MAST1: variants seen among roughly 807,000 people sequenced by gnomAD.
MAST1 encodes the protein microtubule-associated serine/threonine-protein kinase 1.
MAST1 carries 40 observed loss-of-function variants against 124.6 expected under a neutral mutation model. The observed-to-expected ratio is 0.32, with a 90% CI of 0.25 to 0.42. MAST1 has a LOEUF of 0.42. Among genes scored for constraint, MAST1 ranks in the 10% least tolerant of loss-of-function variants. The pLI is 1.00. For synonymous variants in MAST1, 938 were observed against 939.4 expected (o/e 1.00, Z 0.03); for missense variants, 1,558 against 2,181.9 (o/e 0.71, Z 5.70).
Position 12,845,750 on chromosome 19 carries a change from G to A in MAST1, c.328-1540G>A, listed in dbSNP as rs1969886221. Among the ~76,000 whole-genome samples, 11 of 149,946 alleles carry A rather than the reference G, an allele frequency of 7.3e-5. No homozygotes were observed. In the South Asian group the frequency reaches 2.1e-3, roughly 29 times the overall value. The stretch of plus-strand genomic sequence containing the variant: ...CGGCTCACTGCAACCTCCATCTCCT[G>A]GGTTCAAGCAATTCTCCTGCCTCAG... On this transcript the variant is annotated intron_variant, in intron 4 of 25. Coordinates refer to ENST00000251472, the MANE Select transcript of MAST1 (RefSeq NM_014975.3).
Position 12,869,256 on chromosome 19 carries a change from G to C in MAST1, c.2964G>C (p.Met988Ile). ...CACTGCGTGCCATCCGTGTCTACAT[G>C]GGTGACACGGATGTCTATAGTGTCC... ...GFTLRAIRVY[M>I]GDTDVYSVHH... The change falls in exon 22 of 26, where the codon ATG becomes ATC. Residue 988 changes from methionine (M) to isoleucine (I), a missense_variant. Met to Ile is a conservative substitution (Grantham distance 10, BLOSUM62 1). Coordinates refer to ENST00000251472, the MANE Select transcript of MAST1 (RefSeq NM_014975.3). The C allele has an allele frequency of 6.2e-7, 1 of 1,614,048 alleles. No homozygotes were observed.
In MAST1 at chr19:12,874,601, T is replaced by TTGGAGGTGG; in HGVS notation, c.4451_4459dup (p.Val1484_Glu1486dup). The TTGGAGGTGG allele has an allele frequency of 6.6e-7, 1 of 1,512,292 alleles. No individual in the cohort carries two copies. Among genetic ancestry groups the TTGGAGGTGG allele is most frequent in the Non-Finnish European group, 8.8e-7 (1 of 1,131,260 alleles). 93.7% of individuals were successfully genotyped at this position (1,512,292 alleles called of 1,614,324 possible). A position where few individuals can be genotyped will look rare whatever the true frequency, so the allele number is the denominator to read the frequency against. On this transcript the variant is annotated inframe_insertion, in exon 26 of 26. Coordinates refer to ENST00000251472, the MANE Select transcript of MAST1 (RefSeq NM_014975.3). This position sits in a 1 kb window ranked among gnomAD's most constrained non-coding sequence, Gnocchi z 6.6. ...CCCCCGGGGCCGGGAGCGCTGGGTG[T>TTGGAGGTGG]TGGAGGTGGTGGAGGAGCGCACCAC...
rs764595249 is a variant in MAST1, at chr19:12,867,663, G to A, written c.2318+11G>A. On this transcript the variant is annotated intron_variant, in intron 19 of 25. Transcript: ENST00000251472. ...GGGCTCTCCGGAGATGTGAGCAGGGGAATGGCGGAGTTTGGGGGCGGGGTC... is the reference window on the plus strand; with the variant it reads ...GGGCTCTCCGGAGATGTGAGCAGGGAAATGGCGGAGTTTGGGGGCGGGGTC... 5.0e-5 allele frequency: 78 copies of A among 1,567,534 alleles called. No homozygotes were observed. Among genetic ancestry groups the A allele is most frequent in the East Asian group, 2.3e-4 (10 of 43,416 alleles).
intron 22 of MAST1, among the ~76,000 whole-genome samples, chr19:12,869,896 T>C (rs992166739): frequency 6.6e-6 from 1 of 151,594 alleles, no homozygotes; most frequent in Non-Finnish European, 1.5e-5. Context: ...CTATTAAAAA[T>C]ACAAAAATTG....
chr19:12,854,740 A>G (rs548850657), intron 10 of MAST1, among the ~76,000 whole-genome samples: 31 of 152,254 alleles, frequency 2.0e-4, no homozygotes, highest in Non-Finnish European at 3.2e-4. Flanking sequence ...TGGTAGCTCT[A>G]TGTTTAACTT....
intron 4 of MAST1, among the ~76,000 whole-genome samples, chr19:12,846,467 G>A (rs997787558): frequency 3.3e-5 from 5 of 151,960 alleles, no homozygotes; most frequent in African/African-American, 1.2e-4. Flanking sequence ...TGACATTGAA[G>A]CAAAAATTTG....
At chr19:12,860,396 G>T (rs903230047) in intron 12 of MAST1, among the ~76,000 whole-genome samples, 1 of 150,592 alleles carries the variant, frequency 6.6e-6, no homozygotes, top group African/African-American at 2.4e-5. Flanking sequence ...GATTACAGGC[G>T]TGAACCACCA....
rs769179406 is a variant in MAST1 at position 12,858,357 on chromosome 19, T to C, written c.1078-5T>C. On this transcript the variant is annotated splice_region_variant and splice_polypyrimidine_tract_variant and intron_variant, in intron 10 of 25. Coordinates refer to ENST00000251472, the MANE Select transcript of MAST1 (RefSeq NM_014975.3). ...GGTGGTGTGGTCTCCATCTTTTTCC[T>C]GAAGGGCCGCAGCAGCAAGGCCAAG... 1.2e-6 allele frequency: 2 copies of C among 1,613,162 alleles called. No homozygotes were observed. Among genetic ancestry groups the C allele is most frequent in the Middle Eastern group, 1.7e-4 (1 of 6,060 alleles).
chr19:12,873,351 G>A lies in MAST1; in HGVS notation c.3291G>A (p.Lys1097=), dbSNP rs138725908. The change falls in exon 25 of 26, where the codon AAG becomes AAA. Residue 1097 remains lysine, a synonymous_variant. Transcript: ENST00000251472. The part of the protein sequence containing the change: ...ESKKRSSLFR[K]ITKQSNLLHT... ...AGAAGCGCAGCTCCCTCTTCCGGAA[G>A]ATCACGAAGCAGTCGAACCTGCTGC... 624 of 1,613,578 alleles carry A rather than the reference G, an allele frequency of 3.9e-4. 6 individuals carry two copies. The highest frequency in any genetic ancestry group is 3.3e-4 in the Middle Eastern group (2 of 6,080).
At chr19:12,872,402 G>A (rs546895774) in intron 24 of MAST1, among the ~76,000 whole-genome samples, 3 of 152,168 alleles carry the variant, frequency 2.0e-5, no homozygotes, top group South Asian at 2.1e-4. Context: ...TGGAAGAGGC[G>A]GGACTAGAGG....
intron 1 of MAST1, 120 bp from the exon 2 acceptor site, chr19:12,840,326 C>T: frequency 5.9e-6 from 4 of 679,060 alleles, no homozygotes; most frequent in Non-Finnish European, 7.8e-6. Context: ...TCCCAGGGAG[C>T]CTCCAAACAC....
Position 12,852,215 on chromosome 19 carries a change from G to T in MAST1, c.977G>T (p.Arg326Leu). ...ACGGACATCCCCCGCTACATCATCC[G>T]CCAGCTGGGCCTCACCCGTGACCCC... The part of the protein sequence containing the change: ...VKTDIPRYII[R>L]QLGLTRDPFP... Residue 326 changes from arginine to leucine, a missense_variant, in exon 9 of 26, where the codon CGC becomes CTC. Transcript: ENST00000251472. 6.2e-7 allele frequency: 1 copy of T among 1,614,052 alleles called. No individual in the cohort carries two copies. Among genetic ancestry groups the T allele is most frequent in the Non-Finnish European group, 8.5e-7 (1 of 1,180,024 alleles).
At position 12,849,132 on chromosome 19, in the gene MAST1, T is replaced by TG. The variant is rs961591668; in HGVS notation, c.774+1082dup. Among the ~76,000 whole-genome samples, 8 of 151,850 alleles carry TG rather than the reference T, an allele frequency of 5.3e-5. 1 individual carries two copies. The highest frequency in any genetic ancestry group is 4.1e-4 in the South Asian group (2 of 4,820). Reference sequence around the variant, plus strand: ...ATGTCAGCCCCATAGTTGGTGAGGGTGGGGGGGTGGAGTTGTCTGTTCTGT... The same window carrying TG: ...ATGTCAGCCCCATAGTTGGTGAGGGTGGGGGGGGTGGAGTTGTCTGTTCTGT... On this transcript the variant is annotated intron_variant, in intron 7 of 25. Transcript: ENST00000251472.
chr19:12,854,448 G>T (rs879779489), intron 10 of MAST1, among the ~76,000 whole-genome samples: 8 of 152,102 alleles, frequency 5.3e-5, no homozygotes, highest in Non-Finnish European at 1.2e-4. Flanking sequence ...CTATAAATGG[G>T]ATCGTATGCT....
At chr19:12,869,823 T>C (rs1303499275) in intron 22 of MAST1, among the ~76,000 whole-genome samples, 1 of 149,736 alleles carries the variant, frequency 6.7e-6, no homozygotes, top group Non-Finnish European at 1.5e-5. Context: ...GAGGCTGAGG[T>C]GGGCAGATCA....
chr19:12,841,046 C>A lies in MAST1; in HGVS notation c.228C>A (p.Phe76Leu), dbSNP rs1192729473. The change falls in exon 3 of 26, where the codon TTC becomes TTA. Residue 76 changes from phenylalanine (F) to leucine (L), a missense_variant. Around this residue, in one of 10 missense-constraint regions of MAST1, gnomAD observed 57 missense variants for 35.3 expected, o/e 1.62. Coordinates refer to ENST00000251472, the MANE Select transcript of MAST1 (RefSeq NM_014975.3). This position sits in a 1 kb window ranked among gnomAD's most constrained non-coding sequence, Gnocchi z 4.3. ...RNFSPNTPAH[F>L]SFASSRRADG... ...TCTCCCCCAACACCCCCGCCCACTT[C>A]TCGTTTGCCTCCTCCCGAAGGTGAG... is the stretch of plus-strand genomic sequence containing the variant. 6.6e-7 allele frequency: 1 copy of A among 1,519,468 alleles called. No individual in the cohort carries two copies. The highest frequency in any genetic ancestry group is 9.1e-7 in the Non-Finnish European group (1 of 1,093,316). The allele number at this position is 1,519,468 out of a possible 1,614,324, so 94.1% of individuals were successfully genotyped here.
chr19:12,867,027 G>A (rs1188689100), intron 18 of MAST1, among the ~76,000 whole-genome samples: 1 of 152,016 alleles, frequency 6.6e-6, no homozygotes, highest in Admixed American at 6.6e-5. Flanking sequence ...TGTGGGTGGG[G>A]CGGGGTCAGG....
Position 12,869,151 on chromosome 19 carries a change from C to G in MAST1, c.2859C>G (p.Pro953=). The G allele has an allele frequency of 6.2e-7, 1 of 1,614,254 alleles. No homozygotes were observed. The highest frequency in any genetic ancestry group is 8.5e-7 in the Non-Finnish European group (1 of 1,180,050). ...SSNPSSRDSS[P]SRDYSPAVSG... is the part of the protein sequence containing the mutation. ...ACCCATCCTCACGGGACTCCTCACC[C>G]AGCCGGGACTACTCACCAGCTGTCA... Residue 953 remains proline (P), a synonymous_variant, in exon 22 of 26, where the codon CCC becomes CCG. Transcript: ENST00000251472.
chr19:12,840,201 C>G (rs1346195820), intron 1 of MAST1, among the ~76,000 whole-genome samples: 1 of 152,236 alleles, frequency 6.6e-6, no homozygotes, highest in African/African-American at 2.4e-5. Flanking sequence ...CACACCATGA[C>G]AGACACTGCC....
Sources: allele counts gnomAD v4.1 joint callset (sites outside exome capture counted in the v4.1 genomes callset), GRCh38; gene constraint gnomAD v4.1.1; regional missense constraint gnomAD v4.1.1; non-coding constraint Gnocchi (gnomAD v3.1); transcripts MANE v1.5; gene names NCBI Gene and HGNC (gene_info 2026-07-23, HGNC 2026-07-21).